Variants in CROT observed in about 807,000 individuals in gnomAD.
CROT encodes carnitine O-octanoyltransferase.
CROT carries 84 observed loss-of-function variants against 89.2 expected under a neutral mutation model. The observed-to-expected ratio is 0.94, with a 90% CI of 0.79 to 1.13. CROT has a LOEUF of 1.13. Ranked by LOEUF, CROT falls within the 50% of genes most tolerant of loss-of-function variation. CROT has a pLI of 0.00. For missense variants in CROT, 711 were observed against 727.8 expected, an observed-to-expected ratio of 0.98 and a Z score of 0.27; for synonymous variants, 212 against 239.5, an observed-to-expected ratio of 0.89 and a Z score of 1.06.
intron 12 of CROT, 70 bp downstream of exon 12, chr7:87,382,251 T>C: frequency 6.8e-7 from 1 of 1,460,720 alleles, no homozygotes; most frequent in Non-Finnish European, 9.5e-7. Flanking sequence ...AAAATTTGGC[T>C]GTCATCCAAG....
chr7:87,385,588 G>A (rs1283396910), intron 13 of CROT, among the ~76,000 whole-genome samples: 2 of 152,042 alleles, frequency 1.3e-5, no homozygotes, highest in African/African-American at 4.8e-5. Context: ...ATGGCTGTTT[G>A]TTGGTGTCTT....
intron 13 of CROT, 102 bp downstream of exon 13, chr7:87,382,645 T>C (rs1226740275): frequency 1.7e-6 from 2 of 1,210,094 alleles, no homozygotes; most frequent in South Asian, 1.5e-5. Context: ...TGCTCACTTT[T>C]TTCCCAGCTG....
At chr7:87,354,671 A>G (rs1357842324) in intron 3 of CROT, among the ~76,000 whole-genome samples, 2 of 152,190 alleles carry the variant, frequency 1.3e-5, no homozygotes, top group African/African-American at 4.8e-5. Flanking sequence ...TCAGACCTCA[A>G]AAAAGCAAAA....
Position 87,361,129 on chromosome 7 carries a change from A to ATTTT in CROT, c.241-250_241-247dup, listed in dbSNP as rs756941293. On this transcript the variant is annotated intron_variant, in intron 4 of 17. Transcript: ENST00000331536. ...GACTACATGCAGGCCCAGCTAATTA[A>ATTTT]TTTTTTTTTTTTTTGTAGAGACAGG... 5.8e-3 allele frequency among the ~76,000 whole-genome samples: 820 copies of ATTTT among 142,098 alleles called. 8 individuals carry two copies. Among genetic ancestry groups the ATTTT allele is most frequent in the African/African-American group, 0.02 (790 of 38,726 alleles). The allele number at this position is 142,098 out of a possible 152,430, so 93.2% of individuals were successfully genotyped here.
chr7:87,392,478 C>T, intron 14 of CROT, 88 bp from the exon 15 acceptor site: 2 of 970,838 alleles, frequency 2.1e-6, no homozygotes, highest in East Asian at 4.8e-5. Flanking sequence ...CCAAATTACC[C>T]CAATCCTAAT....
At chr7:87,387,493 A>G (rs1320367365) in intron 13 of CROT, among the ~76,000 whole-genome samples, 1 of 151,904 alleles carries the variant, frequency 6.6e-6, no homozygotes, top group Non-Finnish European at 1.5e-5. Flanking sequence ...ACCCTTCAAC[A>G]TCATGGAGGT....
chr7:87,395,569 A>T (rs1807498501), intron 17 of CROT, among the ~76,000 whole-genome samples: 1 of 152,204 alleles, frequency 6.6e-6, no homozygotes, highest in Non-Finnish European at 1.5e-5. Context: ...TTGTCTGTAA[A>T]GCTGTTAACT....
intron 11 of CROT, 36 bp downstream of exon 11, chr7:87,382,029 A>G: frequency 1.3e-6 from 2 of 1,577,284 alleles, no homozygotes; most frequent in Non-Finnish European, 1.7e-6. Flanking sequence ...TTTTTCTCCT[A>G]ATAGTTCTAT....
chr7:87,375,671 T>TGATGGACCTGG lies in CROT; in HGVS notation c.700_710dup (p.Ile237MetfsTer8). The TGATGGACCTGG allele has an allele frequency of 6.2e-7, 1 of 1,613,556 alleles. No individual in the cohort carries two copies. Among genetic ancestry groups the TGATGGACCTGG allele is most frequent in the Non-Finnish European group, 8.5e-7 (1 of 1,179,530 alleles). ...TCCACAAGAAGTGCCATAGTGAACC[T>TGATGGACCTGG]GATGGACCTGGGATTGCAGCATTAA... On this transcript the variant is annotated frameshift_variant, in exon 8 of 18. Coordinates refer to ENST00000331536, the MANE Select transcript of CROT (RefSeq NM_021151.4). LOFTEE classifies it high-confidence loss of function.
rs374387256 is a variant in CROT, at chr7:87,382,066, A to G, written c.1063-8A>G. 1.3e-5 allele frequency: 21 copies of G among 1,599,432 alleles called. No homozygotes were observed. The highest frequency in any genetic ancestry group is 1.7e-5 in the Non-Finnish European group (20 of 1,169,706). On this transcript the variant is annotated splice_region_variant and splice_polypyrimidine_tract_variant and intron_variant, in intron 11 of 17. Coordinates refer to ENST00000331536, the MANE Select transcript of CROT (RefSeq NM_021151.4). ...GATAAAATATTTTTAAGTCTTCCCT[A>G]TTTTCAGGGTTCAGAGAAGGTACGA... is the stretch of plus-strand genomic sequence containing the variant.
intron 7 of CROT, among the ~76,000 whole-genome samples, chr7:87,372,131 A>AT (rs1252527584): frequency 6.6e-6 from 1 of 151,454 alleles, no homozygotes; most frequent in African/African-American, 2.4e-5. Flanking sequence ...TATGGTTTAT[A>AT]TGCCATTTAT....
chr7:87,391,770 G>A lies in CROT; in HGVS notation c.1425+58G>A, dbSNP rs951264456. The A allele has an allele frequency of 5.7e-5, 88 of 1,549,316 alleles. 2 individuals carry two copies. In the South Asian group the frequency reaches 6.8e-4, roughly 12 times the overall value. On this transcript the variant is annotated intron_variant, in intron 14 of 17. Transcript: ENST00000331536. The stretch of plus-strand genomic sequence containing the variant: ...TTTGTTTAATTGTTCTAAAGGAACC[G>A]TGGTCTTTGAGTAACTAACTTCTTT...
At position 87,351,308 on chromosome 7, in the gene CROT, C is replaced by CA. The variant is rs11295263; in HGVS notation, c.115+2149dup. 8.6e-3 allele frequency among the ~76,000 whole-genome samples: 581 copies of CA among 67,370 alleles called. 2 individuals carry two copies. The highest frequency in any genetic ancestry group is 0.02 in the Middle Eastern group (2 of 98). 44.2% of individuals were successfully genotyped at this position (67,370 alleles called of 152,430 possible). ...TGGACAACAGAGCGAGACTCCATCT[C>CA]AAAAAAAAAAAAAAAAAAAAAAAAG... On this transcript the variant is annotated intron_variant, in intron 3 of 17. Coordinates refer to ENST00000331536, the MANE Select transcript of CROT (RefSeq NM_021151.4).
At position 87,359,273 on chromosome 7, in the gene CROT, G is replaced by A. The variant is rs1806200472; in HGVS notation, c.183G>A (p.Gly61=). The A allele has an allele frequency of 6.3e-7, 1 of 1,598,206 alleles. No individual in the cohort carries two copies. The highest frequency in any genetic ancestry group is 8.6e-7 in the Non-Finnish European group (1 of 1,167,494). The change falls in exon 4 of 18, where the codon GGG becomes GGA. Residue 61 remains glycine, a synonymous_variant. Transcript: ENST00000331536. ...AAATAGTTCAAAAATTTCAAAGTGGGATTGGAGAAAAATTGCACCAGAAAT... is the reference window on the plus strand; with the variant it reads ...AAATAGTTCAAAAATTTCAAAGTGGAATTGGAGAAAAATTGCACCAGAAAT... ...TEEIVQKFQS[G]IGEKLHQKLL... is the part of the protein sequence containing the mutation.
In CROT at chr7:87,394,556, A is replaced by T. The variant is rs540333630; in HGVS notation, c.1718+1489A>T. Among the ~76,000 whole-genome samples the T allele has an allele frequency of 2.9e-3, 6 of 2,054 alleles. No individual in the cohort carries two copies. The South Asian group carries it at 0.043, about 15-fold the overall frequency. The allele number at this position is 2,054 out of a possible 152,430, so 1.3% of individuals were successfully genotyped here. ...AATAAATCTAGTATAAGTACTATTTAAAAAAAAAAAGGAAATTTGTGAAGC... is the reference window on the plus strand; with the variant it reads ...AATAAATCTAGTATAAGTACTATTTTAAAAAAAAAAGGAAATTTGTGAAGC... On this transcript the variant is annotated intron_variant, in intron 17 of 17. Transcript: ENST00000331536.
intron 7 of CROT, among the ~76,000 whole-genome samples, chr7:87,372,741 A>G (rs1039915798): frequency 1.3e-5 from 2 of 152,138 alleles, no homozygotes; most frequent in Non-Finnish European, 2.9e-5. Flanking sequence ...TTCACTTAGC[A>G]TAATGTTTTC....
chr7:87,370,613 C>T lies in CROT; in HGVS notation c.656+1129C>T, dbSNP rs192652012. Among the ~76,000 whole-genome samples, 355 of 152,316 alleles carry T rather than the reference C, an allele frequency of 2.3e-3. 4 individuals are homozygous for T. Among genetic ancestry groups the T allele is most frequent in the Non-Finnish European group, 1.4e-3 (95 of 68,034 alleles). On this transcript the variant is annotated intron_variant, in intron 7 of 17. Coordinates refer to ENST00000331536, the MANE Select transcript of CROT (RefSeq NM_021151.4). ...TATTGCAAACATGTACAAAACTGCA[C>T]ACAGAAATGTACAACTAAATATTCA... is the stretch of plus-strand genomic sequence containing the variant.
At chr7:87,392,519 G>A (rs183649424) in intron 14 of CROT, 47 bp from the exon 15 acceptor site, 2 of 1,454,566 alleles carry the variant, frequency 1.4e-6, no homozygotes, top group Non-Finnish European at 9.6e-7. Context: ...TTTCTAGTTG[G>A]GTTTTGCACA....
intron 6 of CROT, among the ~76,000 whole-genome samples, chr7:87,367,231 G>A (rs1486904257): frequency 1.3e-5 from 2 of 152,194 alleles, no homozygotes; most frequent in Non-Finnish European, 2.9e-5. Flanking sequence ...ATGGAAGAGG[G>A]AGGCAAAGGA....
Sources: allele counts gnomAD v4.1 joint callset (sites outside exome capture counted in the v4.1 genomes callset), GRCh38; gene constraint gnomAD v4.1.1; transcripts MANE v1.5; gene names NCBI Gene and HGNC (gene_info 2026-07-23, HGNC 2026-07-21).